Variants in TMEM175 observed in about 807,000 individuals in gnomAD.
The protein encoded by TMEM175 is endosomal/lysosomal proton channel TMEM175.
A neutral mutation model predicts 36.5 loss-of-function variants in TMEM175; 36 were observed. The observed-to-expected ratio is 0.99, with a 90% CI of 0.76 to 1.30. The LOEUF (loss-of-function observed/expected upper bound fraction) is 1.30. TMEM175 is among the 50% of genes most tolerant of loss of function. The pLI is 0.00. For synonymous variants in TMEM175, 339 were observed against 313.4 expected, an observed-to-expected ratio of 1.08 and a Z score of -0.86; for missense variants, 705 against 692.8, an observed-to-expected ratio of 1.02 and a Z score of -0.20.
Position 958,427 on chromosome 4 carries a change from C to T in TMEM175, c.1446C>T (p.Pro482=), listed in dbSNP as rs758004779. 1.9e-6 allele frequency: 3 copies of T among 1,594,750 alleles called. No individual in the cohort carries two copies. Among genetic ancestry groups the T allele is most frequent in the South Asian group, 1.1e-5 (1 of 90,596 alleles). ...GGGTCCTGCGGGGCCTCGCCCGGCC[C>T]GAACACCCCCCGCCAGCCCCCACGG... ...TLRVLRGLAR[P]EHPPPAPTGQ... is the part of the protein sequence containing the mutation. The change falls in exon 11 of 11, where the codon CCC becomes CCT. Residue 482 remains proline, a synonymous_variant. Transcript: ENST00000264771.
intron 1 of TMEM175, among the ~76,000 whole-genome samples, chr4:934,377 C>CG (rs1560467487): frequency 6.6e-6 from 1 of 152,090 alleles, no homozygotes; most frequent in African/African-American, 2.4e-5. Flanking sequence ...CGAGGATGTT[C>CG]GGGGCAGAGA....
intron 1 of TMEM175, among the ~76,000 whole-genome samples, chr4:934,795 A>G (rs1336875415): frequency 1.3e-5 from 2 of 152,216 alleles, no homozygotes; most frequent in African/African-American, 4.8e-5. Context: ...GATATCTTCT[A>G]TCTCTTAGAA....
chr4:936,872 G>A (rs532046500), intron 1 of TMEM175, among the ~76,000 whole-genome samples: 2 of 151,716 alleles, frequency 1.3e-5, no homozygotes, highest in East Asian at 2.0e-4. Flanking sequence ...CAGGAGAATC[G>A]CTTGAACCAG....
Position 936,590 on chromosome 4 carries a change from CAACAAATTCAGCAGCTTACACTAAACG to C in TMEM175, c.-32+4060_-32+4086del, listed in dbSNP as rs552617763. Among the ~76,000 whole-genome samples the C allele has an allele frequency of 2.0e-3, 305 of 152,238 alleles. 13 individuals are homozygous for C. In the South Asian group the frequency reaches 0.059, roughly 29 times the overall value. ...GGGACTATTATTAAGGACTTTAGGCCAACAAATTCAGCAGCTTACACTAAACGAACAAATTCCTGGAAAGCACAAACC... is the reference window on the plus strand; with the variant it reads ...GGGACTATTATTAAGGACTTTAGGCCAACAAATTCCTGGAAAGCACAAACC... On this transcript the variant is annotated intron_variant, in intron 1 of 10. Coordinates refer to ENST00000264771, the MANE Select transcript of TMEM175 (RefSeq NM_032326.4).
chr4:954,057 C>T lies in TMEM175; in HGVS notation c.627+703C>T, dbSNP rs187190169. Among the ~76,000 whole-genome samples, 524 of 151,774 alleles carry T rather than the reference C, an allele frequency of 3.5e-3. 7 individuals carry two copies. The highest frequency in any genetic ancestry group is 0.015 in the South Asian group (74 of 4,808). On this transcript the variant is annotated intron_variant, in intron 8 of 10. Coordinates refer to ENST00000264771, the MANE Select transcript of TMEM175 (RefSeq NM_032326.4). ...AGGCTGGAGTGCACTGGCGCAATCT[C>T]GGCTCATTGCAACCTCTGCCTCCCA...
chr4:953,104 C>G, intron 7 of TMEM175, 86 bp from the exon 8 acceptor site: 1 of 1,402,498 alleles, frequency 7.1e-7, no homozygotes, highest in Non-Finnish European at 9.6e-7. Context: ...CCCTTGCGTG[C>G]GTGTGCCATG....
rs767544582 is a variant in TMEM175 at position 958,366 on chromosome 4, T to C, written c.1385T>C (p.Leu462Pro). 3.1e-6 allele frequency: 5 copies of C among 1,603,220 alleles called. No homozygotes were observed. Among genetic ancestry groups the C allele is most frequent in the Non-Finnish European group, 3.4e-6 (4 of 1,179,760 alleles). Reference sequence around the variant, plus strand: ...GCCGTGCCCTGCGCCTTCCTGTTGCTGCGCCTGCTCGTGGGCCTGGCCCTG... The same window carrying C: ...GCCGTGCCCTGCGCCTTCCTGTTGCCGCGCCTGCTCGTGGGCCTGGCCCTG... ...QIAVPCAFLLLRLLVGLALAT... is the reference protein window; with the variant it reads ...QIAVPCAFLLPRLLVGLALAT... Residue 462 changes from leucine to proline, a missense_variant, in exon 11 of 11, where the codon CTG (leucine) becomes CCG (proline). Coordinates refer to ENST00000264771, the MANE Select transcript of TMEM175 (RefSeq NM_032326.4).
intron 7 of TMEM175, 37 bp downstream of exon 7, chr4:952,487 TG>T: frequency 1.6e-6 from 2 of 1,230,048 alleles, no homozygotes; most frequent in Non-Finnish European, 2.2e-6. Context: ...TGTGTGTGTG[TG>T]TGTGTGTGTG....
At chr4:952,346 G>GTT (rs1179897087) in intron 6 of TMEM175, 21 bp from the exon 7 acceptor site, 1 of 1,608,890 alleles carries the variant, frequency 6.2e-7, no homozygotes, top group Non-Finnish European at 8.5e-7. Flanking sequence ...GGGGGGTTTG[G>GTT]TTTTGTTTTT....
In TMEM175 at chr4:952,488, GTGT is replaced by G. The variant is rs749125700; in HGVS notation, c.462+39_462+41del. ...GGGGGCCTGCACTGTGTGTGTGTGT[GTGT>G]GTGTGTGTGTGTGTGTGTGTGTGTG... On this transcript the variant is annotated intron_variant, in intron 7 of 10. Transcript: ENST00000264771. The G allele has an allele frequency of 1.2e-4, 154 of 1,253,060 alleles. 1 individual carries two copies. The highest frequency in any genetic ancestry group is 1.6e-4 in the Admixed American group (8 of 48,682). 77.6% of individuals were successfully genotyped at this position (1,253,060 alleles called of 1,614,324 possible). A position where few individuals can be genotyped will look rare whatever the true frequency, so the allele number is the denominator to read the frequency against.
chr4:938,259 T>C (rs1372600306), intron 1 of TMEM175, among the ~76,000 whole-genome samples: 1 of 152,214 alleles, frequency 6.6e-6, no homozygotes, highest in Non-Finnish European at 1.5e-5. Flanking sequence ...ATCCCAGCAC[T>C]TTAGGAGGCC....
Position 947,865 on chromosome 4 carries a change from C to G in TMEM175, c.126C>G (p.Ala42=). The change falls in exon 2 of 11, where the codon GCC becomes GCG. Residue 42 remains alanine, a synonymous_variant. Transcript: ENST00000264771. ...AACGCATGCTCAGCTTCAGTGACGC[C>G]CTGCTGTCCATCATCGCCACCGTCA... is the stretch of plus-strand genomic sequence containing the variant. ...CSQRMLSFSD[A]LLSIIATVMI... is the part of the protein sequence containing the mutation. 6.2e-7 allele frequency: 1 copy of G among 1,613,698 alleles called. No homozygotes were observed. The highest frequency in any genetic ancestry group is 1.1e-5 in the South Asian group (1 of 91,082).
chr4:951,646 G>A, intron 5 of TMEM175, 36 bp from the exon 6 acceptor site: 1 of 1,613,784 alleles, frequency 6.2e-7, no homozygotes, highest in Non-Finnish European at 8.5e-7. Context: ...TTCTCCCCAG[G>A]CCGCATCATG....
At chr4:940,704 T>C (rs948605532) in intron 1 of TMEM175, among the ~76,000 whole-genome samples, 1 of 151,914 alleles carries the variant, frequency 6.6e-6, no homozygotes, top group Non-Finnish European at 1.5e-5. Context: ...CAATGTAAGA[T>C]GTTAATAATA....
In TMEM175 at chr4:955,906, C is replaced by A; in HGVS notation, c.842+16C>A. 1 of 1,608,426 alleles carries A rather than the reference C, an allele frequency of 6.2e-7. No homozygotes were observed. Among genetic ancestry groups the A allele is most frequent in the Non-Finnish European group, 8.5e-7 (1 of 1,175,568 alleles). On this transcript the variant is annotated intron_variant, in intron 10 of 10. Transcript: ENST00000264771. Reference sequence around the variant, plus strand: ...TGGACATCTGGTGAGGACCCCGCGTCACCTGCCCCAGCTATCAGGTGGCCA... The same window carrying A: ...TGGACATCTGGTGAGGACCCCGCGTAACCTGCCCCAGCTATCAGGTGGCCA...
At chr4:953,016 C>T (rs990429083) in intron 7 of TMEM175, among the ~76,000 whole-genome samples, 174 bp from the exon 8 acceptor site, 4 of 151,946 alleles carry the variant, frequency 2.6e-5, no homozygotes, top group Admixed American at 6.6e-5. Context: ...CACCTCTACT[C>T]GCCAGGTCCT....
intron 9 of TMEM175, 102 bp downstream of exon 9, chr4:955,585 C>G (rs1453735853): frequency 8.3e-6 from 12 of 1,442,930 alleles, no homozygotes; most frequent in Admixed American, 1.9e-5. Context: ...GGCCCGTGTG[C>G]GTGGTGGTGG....
chr4:951,973 T>C, intron 6 of TMEM175: 1 of 591,518 alleles, frequency 1.7e-6, no homozygotes, highest in Non-Finnish European at 3.0e-6. Flanking sequence ...CACAGCCCCC[T>C]GCCCATCCCA....
intron 1 of TMEM175, among the ~76,000 whole-genome samples, chr4:937,995 T>TA (rs371319725): frequency 0.011 from 1,582 of 144,784 alleles, 29 homozygotes; most frequent in African/African-American, 0.033. Flanking sequence ...ATTACTGATT[T>TA]AAAAAAAAAA....
Sources: gnomAD v4.1 joint callset for allele counts (sites outside exome capture counted in the v4.1 genomes callset) on GRCh38, gnomAD v4.1.1 for gene constraint, MANE v1.5 for transcripts, NCBI Gene and HGNC (gene_info 2026-07-23, HGNC 2026-07-21) for gene names.